The following NUDT7 variants were observed in gnomAD, a reference collection of about 807,000 sequenced individuals.
The protein encoded by NUDT7 is nudix hydrolase 7.
Under a neutral mutation model 13.1 loss-of-function variants are expected in NUDT7, and 19 were observed. That is an observed-to-expected ratio of 1.45 (90% confidence interval 1.01 to 2.13). The LOEUF (loss-of-function observed/expected upper bound fraction) is 2.13. Ranked by LOEUF, NUDT7 falls within the 30% of genes most tolerant of loss-of-function variation. NUDT7 has a pLI of 0.00. For missense variants in NUDT7, 360 were observed against 291.7 expected, an observed-to-expected ratio of 1.23 and a Z score of -1.71; for synonymous variants, 132 against 109.7, an observed-to-expected ratio of 1.20 and a Z score of -1.27.
At chr16:77,735,707 A>C (rs1163370800) in intron 2 of NUDT7, 121 bp from the exon 3 acceptor site, 4 of 910,708 alleles carry the variant, frequency 4.4e-6, no homozygotes. Flanking sequence ...GGGTCTTGAT[A>C]CCACCACCTG....
At chr16:77,735,744 A>T in intron 2 of NUDT7, 84 bp from the exon 3 acceptor site, 1 of 1,262,266 alleles carries the variant, frequency 7.9e-7, no homozygotes, top group Admixed American at 1.9e-5. Context: ...GGTACAAAAT[A>T]GAAGTCCAGT....
At chr16:77,722,676 C>G in intron 1 of NUDT7, 59 bp downstream of exon 1, 1 of 1,491,634 alleles carries the variant, frequency 6.7e-7, no homozygotes, top group Non-Finnish European at 9.2e-7. Context: ...TTGATCGTAG[C>G]GGAGGCCACC....
In NUDT7 at chr16:77,735,980, T is replaced by C. The variant is rs2014471329; in HGVS notation, c.342T>C (p.Leu114=). ...TTGTCTGCTGCCTGGTGCCATGTCT[T>C]ATTGATGTAAGGGTTTCCTGAGACA... ...VEVVCCLVPC[L]IDTDTLITPF... The change falls in exon 3 of 4, where the codon CTT becomes CTC. Residue 114 remains leucine, a synonymous_variant. Coordinates refer to ENST00000268533, the MANE Select transcript of NUDT7 (RefSeq NM_001105663.3). 1 of 1,614,006 alleles carries C rather than the reference T, an allele frequency of 6.2e-7. No homozygotes were observed. Among genetic ancestry groups the C allele is most frequent in the African/African-American group, 1.3e-5 (1 of 74,986 alleles).
intron 2 of NUDT7, among the ~76,000 whole-genome samples, chr16:77,726,798 AAAAG>A (rs1173582461): frequency 3.3e-5 from 5 of 152,162 alleles, no homozygotes; most frequent in Admixed American, 1.3e-4. Flanking sequence ...CCATCTCAAA[AAAAG>A]AAAGAAAGAA....
intron 3 of NUDT7, among the ~76,000 whole-genome samples, chr16:77,741,142 C>T (rs895929058): frequency 6.6e-6 from 1 of 152,032 alleles, no homozygotes; most frequent in African/African-American, 2.4e-5. Context: ...ATGGATATAA[C>T]CCTAATTTAT....
chr16:77,738,630 G>T (rs1486078136), intron 3 of NUDT7, among the ~76,000 whole-genome samples: 1 of 152,028 alleles, frequency 6.6e-6, no homozygotes, highest in Non-Finnish European at 1.5e-5. Context: ...GTGATCTCGA[G>T]TCCCAGTGAT....
chr16:77,734,062 G>A (rs1488655974), intron 2 of NUDT7, among the ~76,000 whole-genome samples: 1 of 152,086 alleles, frequency 6.6e-6, no homozygotes, highest in Non-Finnish European at 1.5e-5. Flanking sequence ...TCAAGGAAGG[G>A]GGCAATGCGG....
chr16:77,741,350 CT>C, intron 3 of NUDT7: 2 of 478,482 alleles, frequency 4.2e-6, no homozygotes, highest in South Asian at 6.7e-5. Context: ...GATTGTACTA[CT>C]TTATGTTCAT....
intron 2 of NUDT7, among the ~76,000 whole-genome samples, chr16:77,732,435 C>G (rs140085401): frequency 1.3e-5 from 2 of 152,280 alleles, no homozygotes; most frequent in East Asian, 1.9e-4. Flanking sequence ...TTCACATCCA[C>G]TCACCACCCA....
chr16:77,729,030 C>T (rs781481683), intron 2 of NUDT7, among the ~76,000 whole-genome samples: 1 of 152,096 alleles, frequency 6.6e-6, no homozygotes, highest in Non-Finnish European at 1.5e-5. Flanking sequence ...AGATTGAAGT[C>T]TTAGGAAATT....
In NUDT7 at chr16:77,735,931, G is replaced by A. The variant is rs1052613948; in HGVS notation, c.293G>A (p.Gly98Asp). Residue 98 changes from glycine to aspartate, a missense_variant, in exon 3 of 4, where the codon GGT becomes GAT. Physicochemically the swap from Gly to Asp is moderately conservative, Grantham distance 94. Coordinates refer to ENST00000268533, the MANE Select transcript of NUDT7 (RefSeq NM_001105663.3). Reference protein sequence around the residue: ...TALREAQEEVGLRPHQVEVVC... With the variant: ...TALREAQEEVDLRPHQVEVVC... ...CTCCGGGAAGCCCAGGAGGAAGTGG[G>A]TCTCCGTCCTCACCAAGTGGAAGTT... 2 of 1,613,968 alleles carry A rather than the reference G, an allele frequency of 1.2e-6. No individual in the cohort carries two copies. Among genetic ancestry groups the A allele is most frequent in the East Asian group, 2.2e-5 (1 of 44,866 alleles).
intron 2 of NUDT7, among the ~76,000 whole-genome samples, chr16:77,733,680 C>T (rs16946403): frequency 3.9e-5 from 6 of 152,196 alleles, no homozygotes; most frequent in Middle Eastern, 3.4e-3. Context: ...AATGTGGCCA[C>T]GCACCATTCC....
rs1183859448 is a variant in NUDT7 at position 77,725,536 on chromosome 16, G to A, written c.141G>A (p.Val47=). ...AATACTCCGTCCTTTTGCCATTGGTGGCTAAAGAAGGAAAACTCCATTTGT... is the reference window on the plus strand; with the variant it reads ...AATACTCCGTCCTTTTGCCATTGGTAGCTAAAGAAGGAAAACTCCATTTGT... The part of the protein sequence containing the change: ...YNKYSVLLPL[V]AKEGKLHLLF... Residue 47 remains valine (V), a synonymous_variant, in exon 2 of 4, where the codon GTG becomes GTA. Coordinates refer to ENST00000268533, the MANE Select transcript of NUDT7 (RefSeq NM_001105663.3). The A allele has an allele frequency of 1.2e-6, 2 of 1,614,046 alleles. No homozygotes were observed. Among genetic ancestry groups the A allele is most frequent in the Non-Finnish European group, 1.7e-6 (2 of 1,179,990 alleles).
intron 2 of NUDT7, among the ~76,000 whole-genome samples, chr16:77,727,799 T>C (rs924465046): frequency 1.7e-4 from 26 of 151,978 alleles, no homozygotes; most frequent in African/African-American, 6.0e-4. Context: ...GGAGGTTGCA[T>C]TGAGCCGAGA....
intron 1 of NUDT7, among the ~76,000 whole-genome samples, chr16:77,724,664 T>C (rs897411597): frequency 6.6e-6 from 1 of 152,216 alleles, no homozygotes; most frequent in Non-Finnish European, 1.5e-5. Flanking sequence ...AGTCACACTC[T>C]GAAGTTTGGG....
chr16:77,724,556 C>T (rs1338182198), intron 1 of NUDT7, among the ~76,000 whole-genome samples: 1 of 152,170 alleles, frequency 6.6e-6, no homozygotes, highest in East Asian at 1.9e-4. Context: ...CAGGCGTGAG[C>T]CGCTGCACTG....
intron 2 of NUDT7, among the ~76,000 whole-genome samples, chr16:77,726,622 C>A (rs1173525144): frequency 2.0e-5 from 3 of 152,124 alleles, no homozygotes; most frequent in Non-Finnish European, 1.5e-5. Flanking sequence ...TAGTGAAACC[C>A]CATCTCTACT....
intron 2 of NUDT7, among the ~76,000 whole-genome samples, chr16:77,728,440 T>C (rs2014210903): frequency 6.6e-6 from 1 of 152,082 alleles, no homozygotes; most frequent in South Asian, 2.1e-4. Flanking sequence ...ACCATGTTGG[T>C]TGGCCAGGCT....
At chr16:77,725,326 G>A (rs976999230) in intron 1 of NUDT7, 105 bp from the exon 2 acceptor site, 2 of 988,640 alleles carry the variant, frequency 2.0e-6, no homozygotes, top group Admixed American at 2.6e-5. Flanking sequence ...AGTCAGAAAT[G>A]GCAAACTCCT....
Sources: gnomAD v4.1 joint callset for allele counts (sites outside exome capture counted in the v4.1 genomes callset) on GRCh38, gnomAD v4.1.1 for gene constraint, MANE v1.5 for transcripts, NCBI Gene and HGNC (gene_info 2026-07-23, HGNC 2026-07-21) for gene names.